NACC2: variants seen among roughly 807,000 people sequenced by gnomAD.
NACC2 encodes nucleus accumbens-associated protein 2.
NACC2 carries 8 observed loss-of-function variants against 25.1 expected under a neutral mutation model. That is an observed-to-expected ratio of 0.32 (90% CI 0.19 to 0.57). The LOEUF is 0.57. NACC2 is among the 20% of genes least tolerant of loss of function. The pLI, the probability that NACC2 is intolerant of heterozygous loss-of-function variation, is 0.89. For missense variants in NACC2, 644 were observed against 650.2 expected (o/e 0.99, Z 0.10); for synonymous variants, 435 against 294.7 (o/e 1.48, Z -4.88).
At chr9:136,093,986 A>C (rs1258725222) in intron 1 of NACC2, among the ~76,000 whole-genome samples, 1 of 152,210 alleles carries the variant, frequency 6.6e-6, no homozygotes, top group African/African-American at 2.4e-5. Flanking sequence ...GGGTGAGAAG[A>C]AGGGGCGACC....
In NACC2 at chr9:136,018,872, C is replaced by T. The variant is rs1840243488; in HGVS notation, c.887-2443G>A. 6.6e-6 allele frequency among the ~76,000 whole-genome samples: 1 copy of T among 152,206 alleles called. No homozygotes were observed. Among genetic ancestry groups the T allele is most frequent in the South Asian group, 2.1e-4 (1 of 4,834 alleles). ...GAAGCCGCACGGTGCGTGGCATTTACATAAAGAGTTCACCAACAGAAATAA... is the reference window on the plus strand; with the variant it reads ...GAAGCCGCACGGTGCGTGGCATTTATATAAAGAGTTCACCAACAGAAATAA... On this transcript the variant is annotated intron_variant, in intron 2 of 5. Transcript: ENST00000277554. This position sits in a 1 kb window ranked among gnomAD's most constrained non-coding sequence, Gnocchi z 4.4.
At chr9:136,028,376 CT>C (rs756007174) in intron 2 of NACC2, among the ~76,000 whole-genome samples, 19,048 of 133,032 alleles carry the variant, frequency 0.14, 1,176 homozygotes, top group Admixed American at 0.2. Flanking sequence ...CCTTTGCTTC[CT>C]TTTTTTTTTT....
chr9:136,088,496 G>A (rs1017878974), intron 1 of NACC2, among the ~76,000 whole-genome samples: 2 of 152,116 alleles, frequency 1.3e-5, no homozygotes, highest in Non-Finnish European at 1.5e-5. Flanking sequence ...GAGCCACTGC[G>A]CATGGACATG....
chr9:136,052,475 G>A (rs1380329110), intron 1 of NACC2, among the ~76,000 whole-genome samples: 4 of 151,394 alleles, frequency 2.6e-5, no homozygotes, highest in South Asian at 2.1e-4. Flanking sequence ...AGCTAGGGGA[G>A]CCAGGGAAGG....
intron 2 of NACC2, among the ~76,000 whole-genome samples, chr9:136,040,830 G>A (rs1021051633): frequency 1.3e-5 from 2 of 152,246 alleles, no homozygotes; most frequent in African/African-American, 4.8e-5. Flanking sequence ...GTGTGGTGGT[G>A]CACGCCTGTA....
intron 2 of NACC2, among the ~76,000 whole-genome samples, chr9:136,042,957 CACACAGAG>C (rs1249358580): frequency 6.6e-6 from 1 of 150,546 alleles, no homozygotes; most frequent in Non-Finnish European, 1.5e-5. Flanking sequence ...CACACACAGA[CACACAGAG>C]ACACACACAT....
Position 136,034,172 on chromosome 9 carries a change from G to A in NACC2, c.886+15464C>T, listed in dbSNP as rs957162270. Among the ~76,000 whole-genome samples, 16 of 152,220 alleles carry A rather than the reference G, an allele frequency of 1.1e-4. No individual in the cohort carries two copies. In the South Asian group the frequency reaches 2.7e-3, roughly 26 times the overall value. On this transcript the variant is annotated intron_variant, in intron 2 of 5. Transcript: ENST00000277554. ...TTACAGACTCCTGATACACAGCAAA[G>A]GGCCCCGCAGGCCAGCGGCGGAAAA...
intron 1 of NACC2, among the ~76,000 whole-genome samples, chr9:136,081,766 G>T (rs1291873016): frequency 6.6e-6 from 1 of 152,314 alleles, no homozygotes; most frequent in South Asian, 2.1e-4. Context: ...GCAGCAGCTG[G>T]CCCCTGACCA....
chr9:136,046,681 A>ACTGAAAACAAC (rs1840730510), intron 2 of NACC2, among the ~76,000 whole-genome samples: 1 of 152,200 alleles, frequency 6.6e-6, no homozygotes, highest in Non-Finnish European at 1.5e-5. Context: ...ACTGCAACAA[A>ACTGAAAACAAC]CTGAAAACAA....
chr9:136,051,231 C>A (rs1005235311), intron 1 of NACC2, among the ~76,000 whole-genome samples: 15 of 152,318 alleles, frequency 9.8e-5, no homozygotes, highest in Admixed American at 9.8e-4. Context: ...CTCCCTCGCG[C>A]AGAGAGACCA....
At position 136,062,610 on chromosome 9, in the gene NACC2, T is replaced by C. The variant is rs184748988; in HGVS notation, c.-59-12030A>G. 5.8e-4 allele frequency among the ~76,000 whole-genome samples: 89 copies of C among 152,308 alleles called. 3 individuals carry two copies. In the East Asian group the frequency reaches 0.014, roughly 23 times the overall value. On this transcript the variant is annotated intron_variant, in intron 1 of 5. Coordinates refer to ENST00000277554, the MANE Select transcript of NACC2 (RefSeq NM_144653.5). Reference sequence around the variant, plus strand: ...TCTCTGTACGTTCACACCAGCCTCATTTATCACTCTAAAAATTATACAGGC... The same window carrying C: ...TCTCTGTACGTTCACACCAGCCTCACTTATCACTCTAAAAATTATACAGGC...
At chr9:136,026,659 C>T (rs1172281509) in intron 2 of NACC2, among the ~76,000 whole-genome samples, 4 of 152,194 alleles carry the variant, frequency 2.6e-5, no homozygotes, top group South Asian at 2.1e-4. Context: ...GACAAAGGCA[C>T]GTCTAGTGGT....
At chr9:136,048,799 A>AG (rs1482419147) in intron 2 of NACC2, among the ~76,000 whole-genome samples, 3 of 152,272 alleles carry the variant, frequency 2.0e-5, no homozygotes, top group African/African-American at 4.8e-5. Context: ...GGGGAAGGGC[A>AG]GGGGGGCGTC....
chr9:136,044,746 G>A (rs1015413928), intron 2 of NACC2, among the ~76,000 whole-genome samples: 7 of 152,226 alleles, frequency 4.6e-5, no homozygotes, highest in East Asian at 3.8e-4. Context: ...TGGTGGGAGC[G>A]GCCTCGGACA....
At position 136,011,798 on chromosome 9, in the gene NACC2, G is replaced by C; in HGVS notation, c.1482C>G (p.Arg494=). 4 of 1,580,314 alleles carry C rather than the reference G, an allele frequency of 2.5e-6. No individual in the cohort carries two copies. Among genetic ancestry groups the C allele is most frequent in the Non-Finnish European group, 3.4e-6 (4 of 1,164,222 alleles). The change falls in exon 6 of 6, where the codon CGC becomes CGG. Residue 494 remains arginine (R), a synonymous_variant. Coordinates refer to ENST00000277554, the MANE Select transcript of NACC2 (RefSeq NM_144653.5). ...PPAAAQVFEQ[R]IYAERRGDAA... ...CGTCGCCCCGCCGCTCGGCGTAGAT[G>C]CGTTGCTCGAACACCTGTGCCGCGG...
chr9:136,094,025 T>TGCG (rs1301065728), intron 1 of NACC2, among the ~76,000 whole-genome samples: 1 of 151,652 alleles, frequency 6.6e-6, no homozygotes, highest in Non-Finnish European at 1.5e-5. Flanking sequence ...GGCAGGAGAG[T>TGCG]GCGGCCGCGC....
chr9:136,084,060 G>A lies in NACC2; in HGVS notation c.-60+11129C>T, dbSNP rs571589537. Among the ~76,000 whole-genome samples, 8 of 152,092 alleles carry A rather than the reference G, an allele frequency of 5.3e-5. No homozygotes were observed. Among genetic ancestry groups the A allele is most frequent in the East Asian group, 1.9e-4 (1 of 5,174 alleles). On this transcript the variant is annotated intron_variant, in intron 1 of 5. Transcript: ENST00000277554. The surrounding 1 kb of genome is among the most constrained non-coding windows in gnomAD (Gnocchi z 5.1). ...ACAGCCCCACAGCCTGAGGAAGAGC[G>A]GGGAGGTAGGGAAGGTGGTGCTCGC...
chr9:136,067,450 A>G lies in NACC2; in HGVS notation c.-59-16870T>C, dbSNP rs369104493. On this transcript the variant is annotated intron_variant, in intron 1 of 5. Transcript: ENST00000277554. ...AGACGTGTTGATTAACGACGGGGAT[A>G]TATCCTGAGAAATGCATCATTAGGT... is the stretch of plus-strand genomic sequence containing the variant. Among the ~76,000 whole-genome samples, 21 of 152,254 alleles carry G rather than the reference A, an allele frequency of 1.4e-4. No individual in the cohort carries two copies. The East Asian group carries it at 1.9e-3, about 14-fold the overall frequency.
chr9:136,069,293 T>A (rs1165483578), intron 1 of NACC2, among the ~76,000 whole-genome samples: 1 of 150,970 alleles, frequency 6.6e-6, no homozygotes, highest in Non-Finnish European at 1.5e-5. Flanking sequence ...ACACCTGTAA[T>A]CCCAGCACTG....
Sources: gnomAD v4.1 joint callset for allele counts (sites outside exome capture counted in the v4.1 genomes callset) on GRCh38, gnomAD v4.1.1 for gene constraint, Gnocchi (gnomAD v3.1) non-coding constraint, MANE v1.5 for transcripts, NCBI Gene and HGNC (gene_info 2026-07-23, HGNC 2026-07-21) for gene names.